SYT1: variants seen among roughly 807,000 people sequenced by gnomAD.
SYT1 encodes the protein synaptotagmin 1.
SYT1 carries 8 observed loss-of-function variants against 44.8 expected under a neutral mutation model. The ratio of observed to expected loss-of-function variants is 0.18; its 90% CI spans 0.10 to 0.32. SYT1 has a LOEUF of 0.32. SYT1 is among the 10% of genes least tolerant of loss of function. SYT1 has a pLI of 1.00. For synonymous variants in SYT1, 154 were observed against 188.8 expected, an observed-to-expected ratio of 0.82 and a Z score of 1.51; for missense variants, 286 against 509.3, an observed-to-expected ratio of 0.56 and a Z score of 4.22.
At chr12:79,120,944 T>G (rs1477659054) in intron 3 of SYT1, among the ~76,000 whole-genome samples, 1 of 147,212 alleles carries the variant, frequency 6.8e-6, no homozygotes, top group South Asian at 2.1e-4. Flanking sequence ...TATATCTATA[T>G]ATATATATAG....
chr12:78,913,262 A>G (rs958224846), intron 1 of SYT1, among the ~76,000 whole-genome samples: 1 of 151,390 alleles, frequency 6.6e-6, no homozygotes, highest in East Asian at 2.0e-4. Flanking sequence ...CACTCATTGT[A>G]AAATCTAACA....
At chr12:79,370,071 T>C (rs1304996988) in intron 9 of SYT1, among the ~76,000 whole-genome samples, 1 of 152,180 alleles carries the variant, frequency 6.6e-6, no homozygotes, top group African/African-American at 2.4e-5. Context: ...AACTGTGAAA[T>C]CTTATTACCG....
chr12:79,294,762 AGACT>A (rs774536957), intron 6 of SYT1, among the ~76,000 whole-genome samples: 1 of 152,142 alleles, frequency 6.6e-6, no homozygotes, highest in African/African-American at 2.4e-5. Flanking sequence ...ACAAAGAGAC[AGACT>A]GTTTCCTTTA....
chr12:79,000,599 A>G (rs11833585), intron 2 of SYT1, among the ~76,000 whole-genome samples: 24,400 of 151,974 alleles, frequency 0.16, 2,328 homozygotes, highest in African/African-American at 0.27. Flanking sequence ...GTGCATGGCC[A>G]CCTTAACTTC....
intron 3 of SYT1, among the ~76,000 whole-genome samples, chr12:79,119,126 C>T (rs931966598): frequency 6.6e-6 from 1 of 152,056 alleles, no homozygotes. Flanking sequence ...ACAAAAGCAA[C>T]TAGAGAATCT....
chr12:79,149,397 A>G (rs1355162360), intron 3 of SYT1, among the ~76,000 whole-genome samples: 1 of 152,148 alleles, frequency 6.6e-6, no homozygotes, highest in Non-Finnish European at 1.5e-5. Flanking sequence ...TGGGTAAAGT[A>G]GTTTCTAGGA....
chr12:79,317,077 A>G (rs970091915), intron 8 of SYT1, among the ~76,000 whole-genome samples: 1 of 152,228 alleles, frequency 6.6e-6, no homozygotes, highest in African/African-American at 2.4e-5. Context: ...AAACAATCGG[A>G]TACATCGAGT....
intron 3 of SYT1, among the ~76,000 whole-genome samples, chr12:79,186,236 TTA>T (rs1872793586): frequency 6.6e-6 from 1 of 152,062 alleles, no homozygotes; most frequent in African/African-American, 2.4e-5. Flanking sequence ...CAAATTCCTC[TTA>T]TATATTCTAC....
At chr12:79,324,053 C>T (rs138662175) in intron 8 of SYT1, among the ~76,000 whole-genome samples, 8 of 150,050 alleles carry the variant, frequency 5.3e-5, no homozygotes, top group Admixed American at 1.3e-4. Flanking sequence ...CGTGTTCAAG[C>T]GATTCTCCTG....
At chr12:78,976,908 A>T (rs1486693621) in intron 1 of SYT1, among the ~76,000 whole-genome samples, 1 of 152,162 alleles carries the variant, frequency 6.6e-6, no homozygotes, top group Non-Finnish European at 1.5e-5. Context: ...TGAAAGAATT[A>T]TGCTACTTTA....
chr12:78,876,651 ACACACGTGTGCACATGTGTACATGTG>A lies in SYT1; in HGVS notation c.-217+11543_-217+11568del, dbSNP rs1874096715. 2.3e-5 allele frequency among the ~76,000 whole-genome samples: 3 copies of A among 131,304 alleles called. No individual in the cohort carries two copies. In the South Asian group the frequency reaches 6.6e-4, roughly 29 times the overall value. 86.1% of individuals were successfully genotyped at this position (131,304 alleles called of 152,430 possible). A position where few individuals can be genotyped will look rare whatever the true frequency, so the allele number is the denominator to read the frequency against. The stretch of plus-strand genomic sequence containing the variant: ...TACACACGTGTACACATATGTATAT[ACACACGTGTGCACATGTGTACATGTG>A]TGTATATATACACACATGTAGTATA... On this transcript the variant is annotated intron_variant, in intron 1 of 10. Coordinates refer to ENST00000261205, the MANE Select transcript of SYT1 (RefSeq NM_005639.3).
At chr12:79,242,077 T>C (rs762512071) in intron 4 of SYT1, among the ~76,000 whole-genome samples, 2 of 152,220 alleles carry the variant, frequency 1.3e-5, no homozygotes, top group African/African-American at 2.4e-5. Context: ...AATACTTTGA[T>C]TTCAGACTTG....
chr12:79,080,970 T>C (rs1565797023), intron 3 of SYT1, among the ~76,000 whole-genome samples: 2 of 152,140 alleles, frequency 1.3e-5, no homozygotes, highest in Non-Finnish European at 2.9e-5. Context: ...GAGGATACTA[T>C]TGTGACTAGA....
intron 3 of SYT1, among the ~76,000 whole-genome samples, chr12:79,108,684 GAAAAT>G (rs1369023650): frequency 2.0e-5 from 3 of 151,998 alleles, no homozygotes; most frequent in African/African-American, 7.3e-5. Context: ...CTATATTAAG[GAAAAT>G]AAAAAGTATT....
At position 79,384,501 on chromosome 12, in the gene SYT1, A is replaced by C. The variant is rs542148795; in HGVS notation, c.928+30882A>C. On this transcript the variant is annotated intron_variant, in intron 9 of 10. Transcript: ENST00000261205. ...ACCTGAACTAGGTACAAAAATGCTTAATACTCAGCTTAACACTAGCATGTA... is the reference window on the plus strand; with the variant it reads ...ACCTGAACTAGGTACAAAAATGCTTCATACTCAGCTTAACACTAGCATGTA... 2.0e-5 allele frequency among the ~76,000 whole-genome samples: 3 copies of C among 152,320 alleles called. No homozygotes were observed. The South Asian group carries it at 6.2e-4, about 32-fold the overall frequency.
At chr12:79,313,723 G>A (rs900925170) in intron 8 of SYT1, among the ~76,000 whole-genome samples, 7 of 151,804 alleles carry the variant, frequency 4.6e-5, no homozygotes, top group African/African-American at 1.7e-4. Flanking sequence ...CCATGACTCC[G>A]CTTACTACTG....
At chr12:78,889,711 C>A (rs898785735) in intron 1 of SYT1, among the ~76,000 whole-genome samples, 10 of 151,882 alleles carry the variant, frequency 6.6e-5, no homozygotes, top group African/African-American at 2.4e-4. Context: ...TAATAATTCT[C>A]ATGGTTTAAA....
intron 1 of SYT1, among the ~76,000 whole-genome samples, chr12:78,878,629 G>T (rs901458988): frequency 1.3e-5 from 2 of 151,732 alleles, no homozygotes; most frequent in Admixed American, 1.3e-4. Context: ...ACCCATAAAA[G>T]AATTGAGTAC....
At chr12:79,166,296 T>C (rs1004217057) in intron 3 of SYT1, among the ~76,000 whole-genome samples, 1 of 152,034 alleles carries the variant, frequency 6.6e-6, no homozygotes, top group Admixed American at 6.6e-5. Context: ...TTTTAAAACA[T>C]CAATTATGGT....
Sources: gnomAD v4.1 joint callset for allele counts (sites outside exome capture counted in the v4.1 genomes callset) on GRCh38, gnomAD v4.1.1 for gene constraint, MANE v1.5 for transcripts, NCBI Gene and HGNC (gene_info 2026-07-23, HGNC 2026-07-21) for gene names.